Variants in AKAP12 observed in about 807,000 individuals in gnomAD.
The protein encoded by AKAP12 is A-kinase anchor protein 12.
AKAP12 carries 32 observed loss-of-function variants against 79.9 expected under a neutral mutation model. The observed-to-expected ratio is 0.40, with a 90% CI of 0.30 to 0.54. The LOEUF is 0.54. Ranked by LOEUF, AKAP12 falls within the 20% of genes least tolerant of loss-of-function variation. The pLI is 0.48. For synonymous variants in AKAP12, 808 were observed against 857.0 expected (o/e 0.94, Z 1.00); for missense variants, 2,074 against 2,177.0 (o/e 0.95, Z 0.94).
At chr6:151,297,022 T>TTTTTG (rs1345505391) in intron 2 of AKAP12, among the ~76,000 whole-genome samples, 2 of 148,882 alleles carry the variant, frequency 1.3e-5, no homozygotes, top group African/African-American at 4.9e-5. Context: ...TAAAAGGGTT[T>TTTTTG]TTTTTTTTTT....
chr6:151,294,591 A>G (rs1124264), intron 2 of AKAP12, among the ~76,000 whole-genome samples: 22,632 of 152,234 alleles, frequency 0.15, 2,286 homozygotes, highest in Admixed American at 0.33. Context: ...CTGGCAGGCC[A>G]TCTTCATGCA....
Position 151,313,921 on chromosome 6 carries a change from G to GA in AKAP12, c.319+8021dup, listed in dbSNP as rs1777176999. On this transcript the variant is annotated intron_variant, in intron 3 of 4. Transcript: ENST00000402676. ...GACTAGTTATATGGGTACTAAAAAT[G>GA]AAATAGTGGATTAGCTAATGAAGAC... Among the ~76,000 whole-genome samples, 3 of 152,106 alleles carry GA rather than the reference G, an allele frequency of 2.0e-5. No homozygotes were observed. In the South Asian group the frequency reaches 6.2e-4, roughly 31 times the overall value.
chr6:151,293,580 C>T (rs951947515), intron 2 of AKAP12, among the ~76,000 whole-genome samples: 2 of 152,164 alleles, frequency 1.3e-5, no homozygotes, highest in African/African-American at 4.8e-5. Flanking sequence ...GGTCATGACA[C>T]TGGACTATAA....
In AKAP12 at chr6:151,240,612, AG is replaced by A; in HGVS notation, c.54del (p.Ser19AlafsTer50). 1 of 1,404,644 alleles carries A rather than the reference AG, an allele frequency of 7.1e-7. No homozygotes were observed. The highest frequency in any genetic ancestry group is 9.2e-7 in the Non-Finnish European group (1 of 1,082,812). The allele number at this position is 1,404,644 out of a possible 1,614,324, so 87.0% of individuals were successfully genotyped here. ...TEQRSPEQPP[E>X]GSSTPAEPEP... ...CAGCGCAGCCCGGAGCAGCCGCCCG[AG>A]GGGAGCTCCACGCCGGCTGAGCCCG... On this transcript the variant is annotated frameshift_variant, in exon 2 of 5. Coordinates refer to ENST00000402676, the MANE Select transcript of AKAP12 (RefSeq NM_005100.4). LOFTEE classifies it high-confidence loss of function.
At chr6:151,261,097 C>G (rs925134975) in intron 2 of AKAP12, among the ~76,000 whole-genome samples, 12 of 151,750 alleles carry the variant, frequency 7.9e-5, no homozygotes, top group African/African-American at 2.9e-4. Context: ...ATCTAAAAAC[C>G]AATGGTTTGG....
chr6:151,325,857 A>G, intron 3 of AKAP12: 1 of 1,614,114 alleles, frequency 6.2e-7, no homozygotes, highest in Non-Finnish European at 8.5e-7. Flanking sequence ...GTGCTACTTA[A>G]AATATGCTGG....
At chr6:151,271,166 T>C (rs1776172450) in intron 2 of AKAP12, among the ~76,000 whole-genome samples, 1 of 152,164 alleles carries the variant, frequency 6.6e-6, no homozygotes, top group Non-Finnish European at 1.5e-5. Context: ...CATCTTTGCT[T>C]TCTTTCTCCT....
At chr6:151,256,961 T>TATATATATAA (rs1482088345) in intron 2 of AKAP12, among the ~76,000 whole-genome samples, 2 of 151,258 alleles carry the variant, frequency 1.3e-5, no homozygotes, top group East Asian at 1.9e-4. Flanking sequence ...TATATATATA[T>TATATATATAA]AAACTTTAAA....
chr6:151,278,054 T>C (rs1331101622), intron 2 of AKAP12, among the ~76,000 whole-genome samples: 1 of 152,182 alleles, frequency 6.6e-6, no homozygotes, highest in African/African-American at 2.4e-5. Flanking sequence ...ATATTTTATT[T>C]AAAATCTACA....
chr6:151,304,488 CAAAAAAAAAAA>C lies in AKAP12; in HGVS notation c.163-1238_163-1228del, dbSNP rs1157088954. Among the ~76,000 whole-genome samples the C allele has an allele frequency of 3.5e-3, 160 of 46,004 alleles. 1 individual carries two copies. Among genetic ancestry groups the C allele is most frequent in the African/African-American group, 6.6e-3 (124 of 18,758 alleles). 30.2% of individuals were successfully genotyped at this position (46,004 alleles called of 152,430 possible). ...TGGGTGAAACAGTGACACTCCATCT[CAAAAAAAAAAA>C]AAAAAAAAAAAAAAAAAAAAGGATT... is the stretch of plus-strand genomic sequence containing the variant. On this transcript the variant is annotated intron_variant, in intron 2 of 4. Coordinates refer to ENST00000402676, the MANE Select transcript of AKAP12 (RefSeq NM_005100.4).
intron 2 of AKAP12, among the ~76,000 whole-genome samples, chr6:151,268,444 G>A (rs1020291274): frequency 6.6e-6 from 1 of 152,030 alleles, no homozygotes; most frequent in African/African-American, 2.4e-5. Context: ...AAAATAGTGT[G>A]ACTATATGTT....
At chr6:151,262,206 C>T (rs1582840461) in intron 2 of AKAP12, among the ~76,000 whole-genome samples, 1 of 152,188 alleles carries the variant, frequency 6.6e-6, no homozygotes, top group African/African-American at 2.4e-5. Context: ...CCACCCGCCT[C>T]GGCCTCCCAA....
intron 3 of AKAP12, among the ~76,000 whole-genome samples, chr6:151,308,371 C>A (rs1308517626): frequency 2.0e-5 from 3 of 151,960 alleles, no homozygotes; most frequent in Admixed American, 1.3e-4. Flanking sequence ...TGCCATCATG[C>A]CCAGCTAACT....
intron 2 of AKAP12, among the ~76,000 whole-genome samples, chr6:151,248,744 CT>C (rs1255249518): frequency 1.3e-5 from 2 of 152,148 alleles, no homozygotes; most frequent in Non-Finnish European, 2.9e-5. Flanking sequence ...AATCCCAGCA[CT>C]TTGGGAGGCC....
intron 3 of AKAP12, chr6:151,341,705 CA>C: frequency 8.0e-7 from 1 of 1,254,958 alleles, no homozygotes; most frequent in Non-Finnish European, 1.0e-6. Flanking sequence ...CACGTGCACC[CA>C]AGCGGCAGTT....
At chr6:151,282,672 C>CT (rs1240521509) in intron 2 of AKAP12, among the ~76,000 whole-genome samples, 1 of 152,156 alleles carries the variant, frequency 6.6e-6, no homozygotes, top group Non-Finnish European at 1.5e-5. Context: ...GTGAGGGGCT[C>CT]TGCCTGGGTC....
chr6:151,294,623 G>A (rs1281755489), intron 2 of AKAP12, among the ~76,000 whole-genome samples: 1 of 152,186 alleles, frequency 6.6e-6, no homozygotes, highest in Non-Finnish European at 1.5e-5. Flanking sequence ...TCATTGGTAG[G>A]TGGTGCTTTT....
At chr6:151,325,669 G>T in intron 3 of AKAP12, 2 of 1,418,952 alleles carry the variant, frequency 1.4e-6, no homozygotes, top group Admixed American at 2.9e-5. Context: ...AAATGCATCC[G>T]CGCTCTGCTT....
In AKAP12 at chr6:151,350,326, C is replaced by T; in HGVS notation, c.1935C>T (p.Ser645=). 6.2e-7 allele frequency: 1 copy of T among 1,613,750 alleles called. No homozygotes were observed. Among genetic ancestry groups the T allele is most frequent in the Non-Finnish European group, 8.5e-7 (1 of 1,179,998 alleles). Residue 645 remains serine, a synonymous_variant, in exon 4 of 5, where the codon TCC becomes TCT. Transcript: ENST00000402676. This position sits in a 1 kb window ranked among gnomAD's most constrained non-coding sequence, Gnocchi z 4.8. ...LDKVKSATLS[S]TESTASEMQE... ...AGGTCAAGAGCGCTACCTTGTCTTC[C>T]ACCGAGAGCACAGCCTCTGAAATGC...
Sources: allele counts gnomAD v4.1 joint callset (sites outside exome capture counted in the v4.1 genomes callset), GRCh38; gene constraint gnomAD v4.1.1; non-coding constraint Gnocchi (gnomAD v3.1); transcripts MANE v1.5; gene names NCBI Gene and HGNC (gene_info 2026-07-23, HGNC 2026-07-21).